The following CCDC12 variants were observed in gnomAD, a reference collection of about 807,000 sequenced individuals.
CCDC12 encodes coiled-coil domain-containing protein 12.
CCDC12 carries 28 observed loss-of-function variants against 25.7 expected under a neutral mutation model. That is an observed-to-expected ratio of 1.09 (90% CI 0.81 to 1.50). The LOEUF (loss-of-function observed/expected upper bound fraction) is 1.50, where lower values mean the gene tolerates loss of function less well. Ranked by LOEUF, CCDC12 falls within the 40% of genes most tolerant of loss-of-function variation. The pLI, the probability that CCDC12 is intolerant of heterozygous loss-of-function variation, is 0.00. For synonymous variants in CCDC12, 75 were observed against 87.7 expected (o/e 0.86, Z 0.81); for missense variants, 198 against 210.0 (o/e 0.94, Z 0.35).
chr3:46,925,302 T>C (rs1439743811), intron 3 of CCDC12, 154 bp downstream of exon 3: 1 of 732,026 alleles, frequency 1.4e-6, no homozygotes, highest in East Asian at 2.7e-5. Context: ...AGGCCGACTG[T>C]GTGCATCTGC....
At chr3:46,979,920 C>T (rs2035188095), upstream of CCDC12, 1 of 386,918 alleles carries the variant, frequency 2.6e-6, no homozygotes, top group Non-Finnish European at 4.6e-6. Context: ...CAGGTGAGCC[C>T]GCCCCGCCCC....
chr3:46,960,447 T>C (rs2107178521), intron 1 of CCDC12, among the ~76,000 whole-genome samples: 1 of 152,308 alleles, frequency 6.6e-6, no homozygotes, highest in East Asian at 1.9e-4. Flanking sequence ...GCAAGAAATC[T>C]AGTGGTGCCC....
chr3:46,927,924 G>A (rs777360171), intron 2 of CCDC12, among the ~76,000 whole-genome samples: 1 of 152,188 alleles, frequency 6.6e-6, no homozygotes, highest in African/African-American at 2.4e-5. Flanking sequence ...CCAAAGGACA[G>A]GAGTCTCTGG....
chr3:46,936,760 T>C (rs1001882902), intron 2 of CCDC12, among the ~76,000 whole-genome samples: 1 of 152,098 alleles, frequency 6.6e-6, no homozygotes, highest in African/African-American at 2.4e-5. Flanking sequence ...ACTAGCTACA[T>C]CAATATATGG....
chr3:46,974,886 A>G (rs984970563), intron 1 of CCDC12, among the ~76,000 whole-genome samples: 10 of 152,318 alleles, frequency 6.6e-5, no homozygotes, highest in Non-Finnish European at 1.5e-4. Flanking sequence ...ATCTCACAAT[A>G]ACCCAATGAG....
chr3:46,951,779 C>CAAAAAAAAAAAAAAAAAAAAAAA (rs1198903085), intron 1 of CCDC12, among the ~76,000 whole-genome samples: 1 of 13,660 alleles, frequency 7.3e-5, no homozygotes, highest in Non-Finnish European at 1.1e-4. Context: ...GACTCCGTCT[C>CAAAAAAAAAAAAAAAAAAAAAAA]AAAAAAAAAA....
chr3:46,966,669 C>CT lies in CCDC12; in HGVS notation c.96+9967dup, dbSNP rs751738009. 2.0e-4 allele frequency among the ~76,000 whole-genome samples: 30 copies of CT among 152,150 alleles called. 1 individual carries two copies. Among genetic ancestry groups the CT allele is most frequent in the Non-Finnish European group, 2.8e-4 (19 of 68,014 alleles). The stretch of plus-strand genomic sequence containing the variant: ...AAGGCTATAAGGGCACTGCCTCAGA[C>CT]TGGCGCTACCCTCCTGAGAGGAGGG... On this transcript the variant is annotated intron_variant, in intron 1 of 6. Coordinates refer to ENST00000683445, the MANE Select transcript of CCDC12 (RefSeq NM_001277074.2).
chr3:46,950,334 T>C (rs2034068169), intron 1 of CCDC12, among the ~76,000 whole-genome samples: 1 of 152,170 alleles, frequency 6.6e-6, no homozygotes, highest in South Asian at 2.1e-4. Flanking sequence ...AGATAGGGTC[T>C]CGCTCTGTTG....
chr3:46,938,190 G>C (rs1321451738), intron 2 of CCDC12, among the ~76,000 whole-genome samples: 1 of 13,874 alleles, frequency 7.2e-5, no homozygotes, highest in Non-Finnish European at 5.3e-3. Context: ...CCTGGGCTGC[G>C]GTGAGAAAAA....
chr3:46,923,449 G>T (rs767039501), intron 4 of CCDC12, 86 bp from the exon 5 acceptor site: 1 of 1,535,024 alleles, frequency 6.5e-7, no homozygotes, highest in Non-Finnish European at 8.9e-7. Context: ...GGAAATGGGA[G>T]AAAGAGGAGG....
At chr3:46,978,931 C>G (rs1248108869), upstream of CCDC12, among the ~76,000 whole-genome samples, 1 of 152,102 alleles carries the variant, frequency 6.6e-6, no homozygotes, top group Non-Finnish European at 1.5e-5. Flanking sequence ...TGCAGTGAGC[C>G]GAGATCGAGT....
At chr3:46,933,601 C>T (rs1431245391) in intron 2 of CCDC12, among the ~76,000 whole-genome samples, 1 of 152,246 alleles carries the variant, frequency 6.6e-6, no homozygotes, top group Non-Finnish European at 1.5e-5. Flanking sequence ...CAGAACCTAA[C>T]CAAGGTGCTC....
At chr3:46,964,713 C>T (rs905390752) in intron 1 of CCDC12, among the ~76,000 whole-genome samples, 22 of 152,078 alleles carry the variant, frequency 1.4e-4, no homozygotes, top group Non-Finnish European at 2.8e-4. Context: ...GGATTAAGGG[C>T]GGTGCAAGAT....
At chr3:46,925,227 T>C in intron 3 of CCDC12, 1 of 689,434 alleles carries the variant, frequency 1.5e-6, no homozygotes, top group Non-Finnish European at 2.7e-6. Flanking sequence ...GGTCTCAGGG[T>C]GTGAGCAGGA....
At chr3:46,932,518 G>A (rs776943703) in intron 2 of CCDC12, among the ~76,000 whole-genome samples, 1 of 152,192 alleles carries the variant, frequency 6.6e-6, no homozygotes, top group Non-Finnish European at 1.5e-5. Flanking sequence ...CCTGAAGAAC[G>A]GGTACAGTGT....
chr3:46,974,722 A>C (rs2034912175), intron 1 of CCDC12, among the ~76,000 whole-genome samples: 1 of 152,160 alleles, frequency 6.6e-6, no homozygotes, highest in Non-Finnish European at 1.5e-5. Flanking sequence ...CTGTTTTTTC[A>C]GTTGGAAAGT....
intron 2 of CCDC12, among the ~76,000 whole-genome samples, chr3:46,938,518 GTTTTTTTTTT>G (rs66474878): frequency 7.7e-5 from 7 of 91,380 alleles, no homozygotes; most frequent in Admixed American, 2.9e-4. Flanking sequence ...TTCCCCTCCT[GTTTTTTTTTT>G]TTTTTTTTTT....
chr3:46,923,287 C>A (rs2032767546), intron 5 of CCDC12, 42 bp downstream of exon 5: 1 of 1,459,332 alleles, frequency 6.9e-7, no homozygotes, highest in African/African-American at 1.4e-5. Flanking sequence ...CACCAAGAGT[C>A]CCCGAGTCAG....
chr3:46,955,911 C>G (rs1211402929), intron 1 of CCDC12, among the ~76,000 whole-genome samples: 1 of 152,220 alleles, frequency 6.6e-6, no homozygotes, highest in Non-Finnish European at 1.5e-5. Context: ...CACTCTTGTG[C>G]ACACCAGGGC....
Sources: allele counts gnomAD v4.1 joint callset (sites outside exome capture counted in the v4.1 genomes callset), GRCh38; gene constraint gnomAD v4.1.1; transcripts MANE v1.5; gene names NCBI Gene and HGNC (gene_info 2026-07-23, HGNC 2026-07-21).